Variants in GALT observed in about 807,000 individuals in gnomAD.
GALT encodes UDP-glucose--hexose-1-phosphate uridylyltransferase.
GALT carries 42 observed loss-of-function variants against 55.4 expected under a neutral mutation model. The ratio of observed to expected loss-of-function variants is 0.76; its 90% CI spans 0.59 to 0.98. The LOEUF is 0.98. Among genes scored for constraint, GALT ranks in the 50% least tolerant of loss-of-function variants. The pLI is 0.00. For missense variants in GALT, 407 were observed against 495.7 expected (o/e 0.82, Z 1.70); for synonymous variants, 154 against 181.5 (o/e 0.85, Z 1.22).
In GALT at chr9:34,648,539, G is replaced by C; in HGVS notation, c.687+83G>C. 6.2e-7 allele frequency: 1 copy of C among 1,603,814 alleles called. No individual in the cohort carries two copies. Among genetic ancestry groups the C allele is most frequent in the South Asian group, 1.1e-5 (1 of 90,690 alleles). On this transcript the variant is annotated intron_variant, in intron 7 of 10. Transcript: ENST00000378842. This position sits in a 1 kb window ranked among gnomAD's most constrained non-coding sequence, Gnocchi z 4.9. ...GAGAGGTGTGTAAAGGAGAAAGCTA[G>C]AGGTGAACTAGTAGAGAGAGACTTG...
chr9:34,648,468 C>G lies in GALT; in HGVS notation c.687+12C>G. 6.2e-7 allele frequency: 1 copy of G among 1,614,102 alleles called. No individual in the cohort carries two copies. The highest frequency in any genetic ancestry group is 8.5e-7 in the Non-Finnish European group (1 of 1,180,014). On this transcript the variant is annotated intron_variant, in intron 7 of 10. Transcript: ENST00000378842. This position sits in a 1 kb window ranked among gnomAD's most constrained non-coding sequence, Gnocchi z 4.9. Reference sequence around the variant, plus strand: ...AGCTACTCAGGAAGGTGGGAGAGAGCCAAGCCCTGTGTCCCCAAGGAGTCC... The same window carrying G: ...AGCTACTCAGGAAGGTGGGAGAGAGGCAAGCCCTGTGTCCCCAAGGAGTCC...
At position 34,648,043 on chromosome 9, in the gene GALT, C is replaced by T. The variant is rs1056630562; in HGVS notation, c.508-72C>T. The T allele has an allele frequency of 1.2e-6, 2 of 1,614,142 alleles. No homozygotes were observed. Among genetic ancestry groups the T allele is most frequent in the East Asian group, 2.2e-5 (1 of 44,886 alleles). On this transcript the variant is annotated intron_variant, in intron 5 of 10. Coordinates refer to ENST00000378842, the MANE Select transcript of GALT (RefSeq NM_000155.4). This position sits in a 1 kb window ranked among gnomAD's most constrained non-coding sequence, Gnocchi z 4.9. Reference sequence around the variant, plus strand: ...TTCTGGGGAGTAACATTTCTGTTTCCACAGGGTGTGGTCAGGAGGGAGTTG... The same window carrying T: ...TTCTGGGGAGTAACATTTCTGTTTCTACAGGGTGTGGTCAGGAGGGAGTTG...
rs1821141007 is a variant in GALT at position 34,647,684 on chromosome 9, CA to C, written c.359del (p.Lys120SerfsTer18). 6.2e-7 allele frequency: 1 copy of C among 1,614,046 alleles called. No homozygotes were observed. Among genetic ancestry groups the C allele is most frequent in the Admixed American group, 1.7e-5 (1 of 59,998 alleles). ...PGPSDHPLFQ[A>X]KSARGVCKVM... is the part of the protein sequence containing the mutation. ...CCCAGTGATCATCCCCTTTTCCAAG[CA>C]AAGTCTGCTCGAGGAGTCTGGTAAC... On this transcript the variant is annotated frameshift_variant, in exon 4 of 11. Coordinates refer to ENST00000378842, the MANE Select transcript of GALT (RefSeq NM_000155.4). LOFTEE classifies it high-confidence loss of function. The surrounding 1 kb of genome is among the most constrained non-coding windows in gnomAD (Gnocchi z 5.6).
chr9:34,647,364 C>G lies in GALT; in HGVS notation c.252+106C>G. ...TAGTGAACCTCCTTCTGGGTCATAT[C>G]CCACCAAGCTTTTTGGTCCCCTAGG... On this transcript the variant is annotated intron_variant, in intron 2 of 10. Transcript: ENST00000378842. The surrounding 1 kb of genome is among the most constrained non-coding windows in gnomAD (Gnocchi z 5.6). 6.3e-7 allele frequency: 1 copy of G among 1,586,262 alleles called. No homozygotes were observed. Among genetic ancestry groups the G allele is most frequent in the Non-Finnish European group, 8.7e-7 (1 of 1,155,718 alleles).
At position 34,648,117 on chromosome 9, in the gene GALT, C is replaced by A. The variant is rs61735984; in HGVS notation, c.510C>A (p.Ile170=). 5,151 of 1,614,188 alleles carry A rather than the reference C, an allele frequency of 3.2e-3. 14 individuals carry two copies. The highest frequency in any genetic ancestry group is 3.5e-3 in the Non-Finnish European group (4,103 of 1,180,026). ...ELGAQYPWVQ[I]FENKGAMMGC... ...AGCTCCGTATCCCTATCTGATAGAT[C>A]TTTGAAAACAAAGGTGCCATGATGG... Residue 170 remains isoleucine, a splice_region_variant and synonymous_variant, in exon 6 of 11, where the codon ATC becomes ATA. Coordinates refer to ENST00000378842, the MANE Select transcript of GALT (RefSeq NM_000155.4). This position sits in a 1 kb window ranked among gnomAD's most constrained non-coding sequence, Gnocchi z 4.9.
intron 10 of GALT, chr9:34,650,114 T>C: frequency 2.1e-6 from 1 of 479,692 alleles, no homozygotes; most frequent in Non-Finnish European, 3.8e-6. Context: ...CCCTCGTCTC[T>C]ACAAAAAAAA....
chr9:34,646,882 C>G, intron 1 of GALT, 96 bp downstream of exon 1: 1 of 1,607,986 alleles, frequency 6.2e-7, no homozygotes, highest in South Asian at 1.1e-5. Flanking sequence ...GAACGCTCAT[C>G]CCGAGCCAGA....
chr9:34,649,147 G>A, intron 9 of GALT, 66 bp downstream of exon 9: 1 of 1,492,936 alleles, frequency 6.7e-7, no homozygotes, highest in East Asian at 2.3e-5. Context: ...GCTCAGCCTA[G>A]TGAACTGCAA....
In GALT at chr9:34,647,380, G is replaced by A. The variant is rs1397129087; in HGVS notation, c.253-112G>A. The A allele has an allele frequency of 6.3e-7, 1 of 1,575,494 alleles. No individual in the cohort carries two copies. The highest frequency in any genetic ancestry group is 8.7e-7 in the Non-Finnish European group (1 of 1,145,668). ...GGGTCATATCCCACCAAGCTTTTTG[G>A]TCCCCTAGGGTGGGCCTTCCCTACT... On this transcript the variant is annotated intron_variant, in intron 2 of 10. Coordinates refer to ENST00000378842, the MANE Select transcript of GALT (RefSeq NM_000155.4). The surrounding 1 kb of genome is among the most constrained non-coding windows in gnomAD (Gnocchi z 5.6).
At chr9:34,649,852 C>T in intron 10 of GALT, 1 of 421,278 alleles carries the variant, frequency 2.4e-6, no homozygotes, top group South Asian at 2.6e-5. Context: ...TCTTTCATCC[C>T]CTGGTGGCTT....
Position 34,648,566 on chromosome 9 carries a change from T to C in GALT, c.687+110T>C. On this transcript the variant is annotated intron_variant, in intron 7 of 10. Coordinates refer to ENST00000378842, the MANE Select transcript of GALT (RefSeq NM_000155.4). The surrounding 1 kb of genome is among the most constrained non-coding windows in gnomAD (Gnocchi z 4.9). Reference sequence around the variant, plus strand: ...GGTGAACTAGTAGAGAGAGACTTGCTAGGAGGCCTTAGCAATAATCCAGTA... The same window carrying C: ...GGTGAACTAGTAGAGAGAGACTTGCCAGGAGGCCTTAGCAATAATCCAGTA... 1 of 1,561,292 alleles carries C rather than the reference T, an allele frequency of 6.4e-7. No individual in the cohort carries two copies. The highest frequency in any genetic ancestry group is 8.8e-7 in the Non-Finnish European group (1 of 1,135,452).
intron 9 of GALT, 158 bp downstream of exon 9, chr9:34,649,239 C>G (rs753025266): frequency 2.5e-6 from 3 of 1,185,116 alleles, no homozygotes; most frequent in Non-Finnish European, 3.7e-6. Flanking sequence ...GAGCAGCAAA[C>G]TTGGTGAAAC....
At position 34,648,722 on chromosome 9, in the gene GALT, A is replaced by G. The variant is rs763716969; in HGVS notation, c.688-40A>G. ...ATTTGCTGACCACACTCCGGCTCCT[A>G]TGTCACCTTGATGACTTCCTATCCA... On this transcript the variant is annotated intron_variant, in intron 7 of 10. Transcript: ENST00000378842. This position sits in a 1 kb window ranked among gnomAD's most constrained non-coding sequence, Gnocchi z 4.9. The G allele has an allele frequency of 1.1e-5, 17 of 1,611,040 alleles. No individual in the cohort carries two copies. Among genetic ancestry groups the G allele is most frequent in the Non-Finnish European group, 1.4e-5 (16 of 1,179,844 alleles).
chr9:34,647,028 G>T lies in GALT; in HGVS notation c.83-61G>T. On this transcript the variant is annotated intron_variant, in intron 1 of 10. Coordinates refer to ENST00000378842, the MANE Select transcript of GALT (RefSeq NM_000155.4). The surrounding 1 kb of genome is among the most constrained non-coding windows in gnomAD (Gnocchi z 5.6). Reference sequence around the variant, plus strand: ...CCCGAGCTTGGGCCTGCTGGTGGGTGAGACCCAGGAGAGAGGGAGCTAGAG... The same window carrying T: ...CCCGAGCTTGGGCCTGCTGGTGGGTTAGACCCAGGAGAGAGGGAGCTAGAG... 2 of 1,611,868 alleles carry T rather than the reference G, an allele frequency of 1.2e-6. No individual in the cohort carries two copies. The highest frequency in any genetic ancestry group is 2.2e-5 in the South Asian group (2 of 90,992).
rs1008644205 is a variant in GALT, at chr9:34,650,855, C to G, written c.*406C>G. The G allele has an allele frequency of 4.7e-6, 1 of 210,898 alleles. No individual in the cohort carries two copies. Among genetic ancestry groups the G allele is most frequent in the African/African-American group, 2.4e-5 (1 of 42,326 alleles). The allele number at this position is 210,898 out of a possible 1,614,324, so 13.1% of individuals were successfully genotyped here. ...GGCTGAGGCTTTGGGAAGGCCAGAG[C>G]CCCCTTTGCCACCACCCCTAGGGTG... is the stretch of plus-strand genomic sequence containing the variant. On this transcript the variant is annotated 3_prime_UTR_variant, in exon 11 of 11. Transcript: ENST00000378842.
rs763134785 is a variant in GALT, at chr9:34,647,561, A to T, written c.322A>T (p.Ser108Cys). The change falls in exon 3 of 11, where the codon AGT (serine) becomes TGT (cysteine). Residue 108 changes from serine (S) to cysteine (C), a missense_variant. Coordinates refer to ENST00000378842, the MANE Select transcript of GALT (RefSeq NM_000155.4). This position sits in a 1 kb window ranked among gnomAD's most constrained non-coding sequence, Gnocchi z 5.6. ...DFPALQPDAP[S>C]PGPSDHPLFQ... Reference sequence around the variant, plus strand: ...CCCAGCTCTGCAGCCTGATGCCCCCAGTCCAGGTAACCTGGCTCCAACTGC... The same window carrying T: ...CCCAGCTCTGCAGCCTGATGCCCCCTGTCCAGGTAACCTGGCTCCAACTGC... 2 of 1,614,180 alleles carry T rather than the reference A, an allele frequency of 1.2e-6. No homozygotes were observed. Among genetic ancestry groups the T allele is most frequent in the South Asian group, 2.2e-5 (2 of 91,080 alleles).
In GALT at chr9:34,647,872, C is replaced by A; in HGVS notation, c.418C>A (p.Pro140Thr). 1 of 1,614,208 alleles carries A rather than the reference C, an allele frequency of 6.2e-7. No individual in the cohort carries two copies. Among genetic ancestry groups the A allele is most frequent in the Non-Finnish European group, 8.5e-7 (1 of 1,180,044 alleles). ...CFHPWSDVTL[P>T]LMSVPEIRAV... ...CCACCCCTGGTCGGATGTAACGCTG[C>A]CACTCATGTCGGTCCCTGAGATCCG... The change falls in exon 5 of 11, where the codon CCA becomes ACA. Residue 140 changes from proline (P) to threonine (T), a missense_variant. Pro to Thr is a conservative substitution (Grantham distance 38). Transcript: ENST00000378842. The surrounding 1 kb of genome is among the most constrained non-coding windows in gnomAD (Gnocchi z 5.6).
rs1335855462 is a variant in GALT, at chr9:34,650,712, AATTTCTGAACAAAAT to A, written c.*264_*278del. On this transcript the variant is annotated 3_prime_UTR_variant, in exon 11 of 11. Coordinates refer to ENST00000378842, the MANE Select transcript of GALT (RefSeq NM_000155.4). ...AATCTTGATGCAAAAATCTACCCCA[AATTTCTGAACAAAAT>A]TAATATTCAGTATTATATCTAGCCT... The A allele has an allele frequency of 1.0e-5, 5 of 497,306 alleles. No homozygotes were observed. Among genetic ancestry groups the A allele is most frequent in the Admixed American group, 3.4e-5 (1 of 29,234 alleles). 30.8% of individuals were successfully genotyped at this position (497,306 alleles called of 1,614,324 possible).
rs115527942 is a variant in GALT at position 34,649,056 on chromosome 9, C to T, written c.879C>T (p.Ser293=). ...LTKYDNLFET[S]FPYSMGWHGA... ...AGTATGACAACCTCTTTGAGACGTCCTTTCCCTACTCCATGGGCTGGCATG... is the reference window on the plus strand; with the variant it reads ...AGTATGACAACCTCTTTGAGACGTCTTTTCCCTACTCCATGGGCTGGCATG... The change falls in exon 9 of 11, where the codon TCC becomes TCT. Residue 293 remains serine, a synonymous_variant. Transcript: ENST00000378842. 1,203 of 1,614,128 alleles carry T rather than the reference C, an allele frequency of 7.5e-4. 9 individuals carry two copies. The African/African-American group carries it at 0.013, about 18-fold the overall frequency.
Sources: gnomAD v4.1 joint callset for allele counts on GRCh38, gnomAD v4.1.1 for gene constraint, Gnocchi (gnomAD v3.1) non-coding constraint, MANE v1.5 for transcripts, NCBI Gene and HGNC (gene_info 2026-07-23, HGNC 2026-07-21) for gene names.